The following ADGRF5 variants were observed in gnomAD, a reference collection of about 807,000 sequenced individuals.
ADGRF5 encodes G-protein coupled receptor 116.
Under a neutral mutation model 132.3 loss-of-function variants are expected in ADGRF5, and 75 were observed. The observed-to-expected ratio is 0.57, with a 90% confidence interval of 0.47 to 0.69. The LOEUF is 0.69. Among genes scored for constraint, ADGRF5 ranks in the 30% least tolerant of loss-of-function variants. The probability of loss-of-function intolerance (pLI) is 0.00; values close to 1 mark genes in which losing one functional copy is unlikely to be tolerated. For synonymous variants in ADGRF5, 629 were observed against 597.6 expected, an observed-to-expected ratio of 1.05 and a Z score of -0.77; for missense variants, 1,516 against 1,630.6, an observed-to-expected ratio of 0.93 and a Z score of 1.21.
intron 1 of ADGRF5, among the ~76,000 whole-genome samples, chr6:46,916,949 A>C (rs1776469949): frequency 6.6e-6 from 1 of 152,196 alleles, no homozygotes; most frequent in African/African-American, 2.4e-5. Flanking sequence ...TTCTCGCGCT[A>C]TTCTTGGTAA....
At chr6:46,905,903 TAAC>T (rs2150895129) in intron 2 of ADGRF5, among the ~76,000 whole-genome samples, 1 of 152,276 alleles carries the variant, frequency 6.6e-6, no homozygotes, top group East Asian at 1.9e-4. Context: ...TTAATTTTCA[TAAC>T]AATAAAAGGA....
upstream of ADGRF5, among the ~76,000 whole-genome samples, chr6:46,922,377 A>G (rs1351529229): frequency 6.6e-6 from 1 of 152,178 alleles, no homozygotes; most frequent in Non-Finnish European, 1.5e-5. Context: ...GGAGGGCTGT[A>G]CCTCAAAAAT....
intron 1 of ADGRF5, among the ~76,000 whole-genome samples, chr6:46,911,011 A>G (rs750919214): frequency 5.3e-5 from 8 of 152,302 alleles, no homozygotes; most frequent in Non-Finnish European, 1.2e-4. Flanking sequence ...AATAATCATA[A>G]CTATCTTGCA....
chr6:46,888,425 T>C lies in ADGRF5; in HGVS notation c.238A>G (p.Ile80Val), dbSNP rs1194987474. Residue 80 changes from isoleucine (I) to valine (V), a missense_variant, in exon 4 of 21, where the codon ATC becomes GTC. Ile to Val is a conservative substitution (Grantham distance 29, BLOSUM62 3). Coordinates refer to ENST00000283296, the MANE Select transcript of ADGRF5 (RefSeq NM_001098518.2). ...CTGAGGCTGTTCAAGTAGGCTTTGA[T>C]AGGATCCAGGAAGGATGCATTTTCA... ...SFENASFLDP[I>V]KAYLNSLSFP... The C allele has an allele frequency of 1.2e-6, 2 of 1,610,430 alleles. No homozygotes were observed. Among genetic ancestry groups the C allele is most frequent in the Non-Finnish European group, 1.7e-6 (2 of 1,176,622 alleles).
chr6:46,859,355 T>C lies in ADGRF5; in HGVS notation c.2548A>G (p.Asn850Asp). ...ATTACCATGCTGCTCATCTGCACAT[T>C]AGTTTGGGAGAAGGACAAAGGAGGG... ...DSPPLSFSQT[N>D]VQMSSMVIKS... The change falls in exon 17 of 21, where the codon AAT (asparagine) becomes GAT (aspartate). Residue 850 changes from asparagine to aspartate, a missense_variant. Physicochemically the swap from Asn to Asp is conservative, Grantham distance 23 (BLOSUM62 1). Coordinates refer to ENST00000283296, the MANE Select transcript of ADGRF5 (RefSeq NM_001098518.2). The C allele has an allele frequency of 6.2e-7, 1 of 1,613,898 alleles. No individual in the cohort carries two copies.
intron 7 of ADGRF5, among the ~76,000 whole-genome samples, 166 bp from the exon 8 acceptor site, chr6:46,881,763 G>T (rs150199744): frequency 6.6e-6 from 1 of 152,302 alleles, no homozygotes; most frequent in African/African-American, 2.4e-5. Flanking sequence ...AGACATCATT[G>T]CATGGCATTA....
At chr6:46,941,365 T>A (rs1778038381) in intron 1 of ADGRF5, among the ~76,000 whole-genome samples, 1 of 118,396 alleles carries the variant, frequency 8.4e-6, no homozygotes, top group Admixed American at 9.4e-5. Flanking sequence ...AGAGAAAAGG[T>A]GGAGGGAGAG....
Position 46,929,272 on chromosome 6 carries a change from C to T in ADGRF5, c.-24-22486G>A, listed in dbSNP as rs530660545. On this transcript the variant is annotated intron_variant, in intron 1 of 20. Coordinates refer to the ADGRF5 transcript ENST00000265417. ...AAACCAAACACCTCATGTTCTCACT[C>T]ATAGGTGAGAATTGAACAATGAGAA... Among the ~76,000 whole-genome samples the T allele has an allele frequency of 4.7e-3, 718 of 151,974 alleles. 7 individuals are homozygous for T. Among genetic ancestry groups the T allele is most frequent in the African/African-American group, 0.016 (676 of 41,376 alleles).
rs1769386613 is a variant in ADGRF5 at position 46,858,951 on chromosome 6, G to A, written c.2952C>T (p.Thr984=). ...ATGATGTTAGGTGGTCACAGATACA[G>A]GTGACATTGTCCCCATCACCTTCTT... ...YVEEGDGDNV[T]CICDHLTSFS... is the part of the protein sequence containing the mutation. Residue 984 remains threonine (T), a synonymous_variant, in exon 17 of 21, where the codon ACC becomes ACT. Coordinates refer to ENST00000283296, the MANE Select transcript of ADGRF5 (RefSeq NM_001098518.2). The A allele has an allele frequency of 6.2e-7, 1 of 1,613,224 alleles. No homozygotes were observed. Among genetic ancestry groups the A allele is most frequent in the Non-Finnish European group, 8.5e-7 (1 of 1,179,168 alleles).
chr6:46,919,969 G>A (rs2150923301), intron 1 of ADGRF5, among the ~76,000 whole-genome samples: 1 of 152,246 alleles, frequency 6.6e-6, no homozygotes, highest in African/African-American at 2.4e-5. Flanking sequence ...GTGGGGAGGG[G>A]AAGGCCACCT....
intron 1 of ADGRF5, among the ~76,000 whole-genome samples, chr6:46,919,149 C>G (rs1776677879): frequency 6.6e-6 from 1 of 152,212 alleles, no homozygotes; most frequent in African/African-American, 2.4e-5. Flanking sequence ...CAGCAAACAT[C>G]TACCATGTGG....
chr6:46,904,661 T>C (rs992406307), intron 2 of ADGRF5, among the ~76,000 whole-genome samples: 2 of 152,204 alleles, frequency 1.3e-5, no homozygotes, highest in African/African-American at 4.8e-5. Flanking sequence ...TAATAAACTG[T>C]ATGCCTAAAA....
At chr6:46,918,675 G>A (rs1776632019) in intron 1 of ADGRF5, among the ~76,000 whole-genome samples, 1 of 152,164 alleles carries the variant, frequency 6.6e-6, no homozygotes, top group South Asian at 2.1e-4. Flanking sequence ...AAGTCAGTGG[G>A]GTTGTTCCAA....
rs781020188 is a variant in ADGRF5 at position 46,858,606 on chromosome 6, G to A, written c.3297C>T (p.Ser1099=). 33 of 1,613,938 alleles carry A rather than the reference G, an allele frequency of 2.0e-5. No individual in the cohort carries two copies. In the Admixed American group the frequency reaches 3.7e-4, roughly 18 times the overall value. Residue 1099 remains serine (S), a synonymous_variant, in exon 17 of 21, where the codon AGC becomes AGT. Coordinates refer to ENST00000283296, the MANE Select transcript of ADGRF5 (RefSeq NM_001098518.2). Reference sequence around the variant, plus strand: ...CCAGTGTCAGCATCCAGAAGAAGACGCTGAGGTAGAAGAAGTGGATGAAGA... The same window carrying A: ...CCAGTGTCAGCATCCAGAAGAAGACACTGAGGTAGAAGAAGTGGATGAAGA... ...ATFFIHFFYL[S]VFFWMLTLGL... is the part of the protein sequence containing the mutation.
chr6:46,948,628 C>A (rs555803893), intron 1 of ADGRF5, among the ~76,000 whole-genome samples: 1 of 152,136 alleles, frequency 6.6e-6, no homozygotes, highest in African/African-American at 2.4e-5. Flanking sequence ...CAAACAGCAT[C>A]GCTGTCTCAG....
chr6:46,934,737 CT>C (rs1399125295), intron 1 of ADGRF5, among the ~76,000 whole-genome samples: 1 of 152,144 alleles, frequency 6.6e-6, no homozygotes, highest in Non-Finnish European at 1.5e-5. Context: ...CCCTTAGAAA[CT>C]TACTCTTGGA....
chr6:46,951,546 T>C (rs1323476952), intron 1 of ADGRF5, among the ~76,000 whole-genome samples: 1 of 152,176 alleles, frequency 6.6e-6, no homozygotes, highest in Non-Finnish European at 1.5e-5. Flanking sequence ...GAATACCACA[T>C]GTAGTCAGAA....
intron 1 of ADGRF5, among the ~76,000 whole-genome samples, chr6:46,920,438 T>A: frequency 6.7e-6 from 1 of 149,680 alleles, no homozygotes; most frequent in South Asian, 2.1e-4. Context: ...ATTGTACTCC[T>A]GTGCCCCGGC....
intron 1 of ADGRF5, among the ~76,000 whole-genome samples, chr6:46,949,842 G>A (rs1157349489): frequency 6.6e-6 from 1 of 152,186 alleles, no homozygotes; most frequent in Non-Finnish European, 1.5e-5. Flanking sequence ...TTTAGTTAAA[G>A]AGTAACCCAA....
Sources: gnomAD v4.1 joint callset for allele counts (sites outside exome capture counted in the v4.1 genomes callset) on GRCh38, gnomAD v4.1.1 for gene constraint, MANE v1.5 for transcripts, NCBI Gene and HGNC (gene_info 2026-07-23, HGNC 2026-07-21) for gene names.